SLC9A2: variants seen among roughly 807,000 people sequenced by gnomAD.
The protein encoded by SLC9A2 is solute carrier family 9 member A2.
In SLC9A2, 42 loss-of-function variants were observed where a neutral mutation model predicts 71.7. The observed-to-expected ratio is 0.59, with a 90% CI of 0.46 to 0.76. The LOEUF is 0.76. Ranked by LOEUF, SLC9A2 falls within the 30% of genes least tolerant of loss-of-function variation. The pLI, the probability that SLC9A2 is intolerant of heterozygous loss-of-function variation, is 0.00. For synonymous variants in SLC9A2, 396 were observed against 392.5 expected (o/e 1.01, Z -0.10); for missense variants, 829 against 1,017.4 (o/e 0.81, Z 2.52).
chr2:102,686,785 G>A, intron 5 of SLC9A2: 1 of 152,930 alleles, frequency 6.5e-6, no homozygotes, highest in East Asian at 1.9e-4. Context: ...CTGGAAGTGG[G>A]GAAGTTCATG....
intron 1 of SLC9A2, among the ~76,000 whole-genome samples, chr2:102,639,242 T>C (rs1217767647): frequency 1.3e-5 from 2 of 152,220 alleles, no homozygotes; most frequent in Non-Finnish European, 2.9e-5. Flanking sequence ...TGGTAGATTA[T>C]TATATCATGT....
chr2:102,648,431 C>A (rs989337532), intron 1 of SLC9A2, among the ~76,000 whole-genome samples: 3 of 152,134 alleles, frequency 2.0e-5, no homozygotes, highest in African/African-American at 7.2e-5. Context: ...TGAAAACCGG[C>A]ACAAGACAAG....
intron 3 of SLC9A2, among the ~76,000 whole-genome samples, chr2:102,682,152 A>G (rs1437662717): frequency 6.6e-6 from 1 of 152,058 alleles, no homozygotes; most frequent in Non-Finnish European, 1.5e-5. Flanking sequence ...CTCTAATCCC[A>G]TCCTCCTGTT....
At chr2:102,693,269 C>T (rs888812943) in intron 5 of SLC9A2, among the ~76,000 whole-genome samples, 1 of 152,098 alleles carries the variant, frequency 6.6e-6, no homozygotes, top group African/African-American at 2.4e-5. Flanking sequence ...CCAGGAGCAA[C>T]AGAAACTTTG....
In SLC9A2 at chr2:102,648,189, T is replaced by A. The variant is rs892688284; in HGVS notation, c.290-9375T>A. Among the ~76,000 whole-genome samples the A allele has an allele frequency of 2.6e-5, 4 of 152,254 alleles. No homozygotes were observed. In the East Asian group the frequency reaches 7.7e-4, roughly 29 times the overall value. ...CCTGGGATGCAAGGCTGGTTCAACATACACAAGTCAATAAACATAATCCAT... is the reference window on the plus strand; with the variant it reads ...CCTGGGATGCAAGGCTGGTTCAACAAACACAAGTCAATAAACATAATCCAT... On this transcript the variant is annotated intron_variant, in intron 1 of 11. Transcript: ENST00000233969.
At chr2:102,665,592 G>A (rs1677119076) in intron 3 of SLC9A2, among the ~76,000 whole-genome samples, 1 of 151,790 alleles carries the variant, frequency 6.6e-6, no homozygotes, top group Non-Finnish European at 1.5e-5. Flanking sequence ...GGCTAACATG[G>A]TGAAACCCCG....
intron 1 of SLC9A2, among the ~76,000 whole-genome samples, chr2:102,652,027 CT>C (rs1676846113): frequency 6.6e-6 from 1 of 152,096 alleles, no homozygotes; most frequent in Non-Finnish European, 1.5e-5. Flanking sequence ...TTCTGGCTGG[CT>C]TTTTCCAGAC....
At chr2:102,662,030 A>C (rs959658383) in intron 2 of SLC9A2, among the ~76,000 whole-genome samples, 2 of 152,220 alleles carry the variant, frequency 1.3e-5, no homozygotes, top group Non-Finnish European at 2.9e-5. Flanking sequence ...GGTTCATTGT[A>C]AAACAGGTGG....
chr2:102,682,418 G>C (rs1227143319), intron 3 of SLC9A2, among the ~76,000 whole-genome samples: 1 of 152,184 alleles, frequency 6.6e-6, no homozygotes, highest in Non-Finnish European at 1.5e-5. Flanking sequence ...GGGGTGGAGA[G>C]AGGGCAGATG....
At chr2:102,665,028 T>C (rs756150660) in intron 2 of SLC9A2, 72 bp from the exon 3 acceptor site, 12 of 1,483,214 alleles carry the variant, frequency 8.1e-6, no homozygotes, top group African/African-American at 1.4e-5. Context: ...TCCAGGTAGA[T>C]GTGTTTGTGC....
chr2:102,696,458 AT>A (rs1018333472), intron 7 of SLC9A2, among the ~76,000 whole-genome samples: 8 of 152,188 alleles, frequency 5.3e-5, no homozygotes, highest in African/African-American at 1.9e-4. Flanking sequence ...ACACAAGGGA[AT>A]TTTTTAGTGT....
intron 3 of SLC9A2, among the ~76,000 whole-genome samples, chr2:102,678,573 C>A (rs1558717444): frequency 6.6e-6 from 1 of 152,108 alleles, no homozygotes; most frequent in Admixed American, 6.6e-5. Context: ...GCTGTGGACT[C>A]CGGTCATGAA....
At chr2:102,657,442 C>T in intron 1 of SLC9A2, 122 bp from the exon 2 acceptor site, 1 of 644,768 alleles carries the variant, frequency 1.6e-6, no homozygotes, top group African/African-American at 1.8e-5. Flanking sequence ...ATTGTAAAGA[C>T]AGTGATACTG....
intron 1 of SLC9A2, among the ~76,000 whole-genome samples, chr2:102,649,931 C>T (rs1226940702): frequency 3.3e-5 from 5 of 152,048 alleles, no homozygotes; most frequent in Admixed American, 1.3e-4. Flanking sequence ...GATCTAGAAC[C>T]AGAATTACCA....
rs774960509 is a variant in SLC9A2, at chr2:102,684,311, T to C, written c.1400T>C (p.Val467Ala). The C allele has an allele frequency of 1.1e-5, 17 of 1,614,192 alleles. No individual in the cohort carries two copies. In the South Asian group the frequency reaches 1.8e-4, roughly 17 times the overall value. ...KKLFITAAIV[V>A]IFFTVFILGI... The stretch of plus-strand genomic sequence containing the variant: ...TTGTTTATTACGGCTGCCATTGTTG[T>C]CATATTCTTTACTGTCTTCATTCTG... Residue 467 changes from valine to alanine, a missense_variant, in exon 5 of 12, where the codon GTC becomes GCC. By Grantham distance (64) the Val-to-Ala change is moderately conservative. Around this residue, in one of 3 missense-constraint regions of SLC9A2, gnomAD observed 500 missense variants for 726.3 expected, o/e 0.69. Coordinates refer to ENST00000233969, the MANE Select transcript of SLC9A2 (RefSeq NM_003048.6).
intron 3 of SLC9A2, among the ~76,000 whole-genome samples, chr2:102,681,606 A>G (rs901210654): frequency 6.6e-6 from 1 of 152,248 alleles, no homozygotes; most frequent in Non-Finnish European, 1.5e-5. Flanking sequence ...TGAGTCCTCA[A>G]CTATTCAAAG....
chr2:102,649,321 A>G (rs1676787930), intron 1 of SLC9A2, among the ~76,000 whole-genome samples: 1 of 152,210 alleles, frequency 6.6e-6, no homozygotes, highest in South Asian at 2.1e-4. Context: ...ATAAAAATTA[A>G]CTCAAGATGG....
chr2:102,675,563 A>G (rs1183521067), intron 3 of SLC9A2, among the ~76,000 whole-genome samples: 1 of 152,128 alleles, frequency 6.6e-6, no homozygotes, highest in Non-Finnish European at 1.5e-5. Context: ...TTGATTAAGG[A>G]GGAGGATCAG....
At chr2:102,629,932 C>G (rs1263837281) in intron 1 of SLC9A2, among the ~76,000 whole-genome samples, 3 of 152,004 alleles carry the variant, frequency 2.0e-5, no homozygotes, top group Admixed American at 1.3e-4. Context: ...AGTAAATTAG[C>G]TAATACATGT....
Sources: allele counts gnomAD v4.1 joint callset (sites outside exome capture counted in the v4.1 genomes callset), GRCh38; gene constraint gnomAD v4.1.1; regional missense constraint gnomAD v4.1.1; transcripts MANE v1.5; gene names NCBI Gene and HGNC (gene_info 2026-07-23, HGNC 2026-07-21).